POMGNT1: variants seen among roughly 807,000 people sequenced by gnomAD.
POMGNT1 encodes the protein protein O-linked mannose N-acetylglucosaminyltransferase 1 (beta 1,2-), also known as protein O-linked-mannose beta-1,2-N-acetylglucosaminyltransferase 1.
POMGNT1 carries 67 observed loss-of-function variants against 95.6 expected under a neutral mutation model. That is an observed-to-expected ratio of 0.70 (90% CI 0.58 to 0.86). The LOEUF (loss-of-function observed/expected upper bound fraction) is 0.86, where lower values mean the gene tolerates loss of function less well. Among genes scored for constraint, POMGNT1 ranks in the 40% least tolerant of loss-of-function variants. POMGNT1 has a pLI of 0.00. For missense variants in POMGNT1, 719 were observed against 855.2 expected, an observed-to-expected ratio of 0.84 and a Z score of 1.99; for synonymous variants, 298 against 317.9, an observed-to-expected ratio of 0.94 and a Z score of 0.66.
Position 46,192,967 on chromosome 1 carries a change from G to C in POMGNT1, c.1153-9C>G. 1 of 1,614,154 alleles carries C rather than the reference G, an allele frequency of 6.2e-7. No individual in the cohort carries two copies. The highest frequency in any genetic ancestry group is 8.5e-7 in the Non-Finnish European group (1 of 1,180,024). ...ACAGCAAACTTGGCCTCCTAGAAGGGGAATGGGACATCATGGTCCCAAAGG... is the reference window on the plus strand; with the variant it reads ...ACAGCAAACTTGGCCTCCTAGAAGGCGAATGGGACATCATGGTCCCAAAGG... On this transcript the variant is annotated splice_polypyrimidine_tract_variant and intron_variant, in intron 13 of 21. Transcript: ENST00000371984.
chr1:46,201,426 G>A (rs967523506), upstream of POMGNT1, among the ~76,000 whole-genome samples: 2 of 151,916 alleles, frequency 1.3e-5, no homozygotes, highest in East Asian at 1.9e-4. Context: ...CAGGCCGGGC[G>A]CAGTGGCTCA....
Position 46,219,865 on chromosome 1 carries a change from C to A in POMGNT1, c.-211G>T, listed in dbSNP as rs769390159. 1.9e-6 allele frequency: 3 copies of A among 1,613,866 alleles called. 1 individual carries two copies. Among genetic ancestry groups the A allele is most frequent in the South Asian group, 2.2e-5 (2 of 91,050 alleles). ...CTGACAGGCGGGAGCCCAGGCCGCT[C>A]AAGGCGAGGCAGCTGGGACAGCCTG... On this transcript the variant is annotated 5_prime_UTR_variant, in exon 1 of 23. Coordinates refer to the POMGNT1 transcript ENST00000371992.
chr1:46,195,920 T>G lies in POMGNT1; in HGVS notation c.425A>C (p.His142Pro). 6.2e-7 allele frequency: 1 copy of G among 1,614,114 alleles called. No individual in the cohort carries two copies. Among genetic ancestry groups the G allele is most frequent in the Non-Finnish European group, 8.5e-7 (1 of 1,179,990 alleles). ...GTCAAACACACGTTTTGCCATCACGTGGCCCTGGCAGGGGATATACTTCTG... is the reference window on the plus strand; with the variant it reads ...GTCAAACACACGTTTTGCCATCACGGGGCCCTGGCAGGGGATATACTTCTG... ...HVIVLNQATG[H>P]VMAKRVFDTY... The change falls in exon 6 of 22, where the codon CAC (histidine) becomes CCC (proline). Residue 142 changes from histidine to proline, a missense_variant. Coordinates refer to ENST00000371984, the MANE Select transcript of POMGNT1 (RefSeq NM_017739.4).
Position 46,196,625 on chromosome 1 carries a change from G to A in POMGNT1, c.354+106C>T. ...CGAGGACTCCAAAGTCACACAGCTA[G>A]AAACTGGCAGAGTTGCAGTTCCCAC... On this transcript the variant is annotated intron_variant, in intron 4 of 21. Transcript: ENST00000371984. This position sits in a 1 kb window ranked among gnomAD's most constrained non-coding sequence, Gnocchi z 4.4. 2 of 1,600,688 alleles carry A rather than the reference G, an allele frequency of 1.2e-6. No individual in the cohort carries two copies. Among genetic ancestry groups the A allele is most frequent in the Non-Finnish European group, 1.7e-6 (2 of 1,176,876 alleles).
intron 1 of POMGNT1, among the ~76,000 whole-genome samples, chr1:46,204,398 C>G (rs1306141058): frequency 6.6e-6 from 1 of 152,206 alleles, no homozygotes; most frequent in African/African-American, 2.4e-5. Context: ...GGCAGGTTCC[C>G]CAGGGCCCTG....
upstream of POMGNT1, among the ~76,000 whole-genome samples, chr1:46,201,336 ACT>A (rs1295764574): frequency 2.0e-5 from 3 of 151,758 alleles, no homozygotes; most frequent in Non-Finnish European, 4.4e-5. Flanking sequence ...ACATAGCGAG[ACT>A]CTATCTAAAT....
rs1226719758 is a variant in POMGNT1 at position 46,198,392 on chromosome 1, G to A, written c.-107C>T. 2.6e-5 allele frequency: 4 copies of A among 151,952 alleles called. No individual in the cohort carries two copies. The highest frequency in any genetic ancestry group is 9.7e-5 in the African/African-American group (4 of 41,302). The allele number at this position is 151,952 out of a possible 1,614,324, so 9.4% of individuals were successfully genotyped here. A position where few individuals can be genotyped will look rare whatever the true frequency, so the allele number is the denominator to read the frequency against. On this transcript the variant is annotated 5_prime_UTR_variant, in exon 1 of 22. Transcript: ENST00000371984. ...CGCTAGGGCCCTCACTGCTCGGCCC[G>A]GCTCGCCGCGGCCTCCGCCTCCTCC...
chr1:46,196,865 G>C lies in POMGNT1; in HGVS notation c.236-16C>G. On this transcript the variant is annotated splice_polypyrimidine_tract_variant and intron_variant, in intron 3 of 21. Transcript: ENST00000371984. This position sits in a 1 kb window ranked among gnomAD's most constrained non-coding sequence, Gnocchi z 4.4. ...AGGGCCTCATCTGTGGGGTACAACA[G>C]GTCATGGAGATAGTCTCCTCAGCAG... 3.1e-6 allele frequency: 5 copies of C among 1,614,202 alleles called. No individual in the cohort carries two copies. Among genetic ancestry groups the C allele is most frequent in the Non-Finnish European group, 4.2e-6 (5 of 1,180,046 alleles).
intron 17 of POMGNT1, chr1:46,191,884 T>C (rs1437748550): frequency 9.9e-6 from 6 of 608,238 alleles, no homozygotes; most frequent in Non-Finnish European, 1.7e-5. Context: ...TCCACCCGCA[T>C]CGGCCTCCCA....
At chr1:46,193,826 T>C (rs1056632368) in intron 10 of POMGNT1, 29 bp downstream of exon 10, 1 of 1,613,300 alleles carries the variant, frequency 6.2e-7, no homozygotes, top group South Asian at 1.1e-5. Context: ...TCCTGTTCAG[T>C]GCTGGGTATA....
At chr1:46,218,684 C>T (rs1659139307) in intron 1 of POMGNT1, among the ~76,000 whole-genome samples, 1 of 152,184 alleles carries the variant, frequency 6.6e-6, no homozygotes, top group Non-Finnish European at 1.5e-5. Context: ...GGGAAGGTAA[C>T]AGTGCATCTG....
chr1:46,206,717 C>A (rs1216283883), intron 1 of POMGNT1, among the ~76,000 whole-genome samples: 1 of 152,186 alleles, frequency 6.6e-6, no homozygotes, highest in Non-Finnish European at 1.5e-5. Context: ...TTCCCAGCAA[C>A]ACACTACAAC....
chr1:46,217,281 A>G (rs1178901925), intron 1 of POMGNT1, among the ~76,000 whole-genome samples: 1 of 152,202 alleles, frequency 6.6e-6, no homozygotes, highest in Non-Finnish European at 1.5e-5. Flanking sequence ...AGAACGTGTC[A>G]TGCATTCAAA....
Position 46,192,330 on chromosome 1 carries a change from G to A in POMGNT1, c.1391C>T (p.Pro464Leu). The change falls in exon 16 of 22, where the codon CCC becomes CTC. Residue 464 changes from proline (P) to leucine (L), a missense_variant. Transcript: ENST00000371984. ...TACCTTTTCCGGTGTAGGCCACTTG[G>A]GCTCAAGCTCCTCCTTGTACAAGGA... ...RRSLYKEELE[P>L]KWPTPEKLWD... 3 of 1,614,106 alleles carry A rather than the reference G, an allele frequency of 1.9e-6. No homozygotes were observed. Among genetic ancestry groups the A allele is most frequent in the Non-Finnish European group, 1.7e-6 (2 of 1,180,006 alleles).
chr1:46,206,982 G>C (rs1658736848), intron 1 of POMGNT1, among the ~76,000 whole-genome samples: 1 of 152,136 alleles, frequency 6.6e-6, no homozygotes, highest in Non-Finnish European at 1.5e-5. Flanking sequence ...GATGTGGTTG[G>C]GTTTGTGCTC....
chr1:46,193,316 G>C lies in POMGNT1; in HGVS notation c.1099C>G (p.Arg367Gly). ...TGCCTATGCAGTACCTGAGACACGCGGGCATTCTTGATGCTGATGGGAGTA... is the reference window on the plus strand; with the variant it reads ...TGCCTATGCAGTACCTGAGACACGCCGGCATTCTTGATGCTGATGGGAGTA... ...QHTPISIKNARVSQHYKASLT... is the reference protein window; with the variant it reads ...QHTPISIKNAGVSQHYKASLT... The change falls in exon 12 of 22, where the codon CGC becomes GGC. Residue 367 changes from arginine (R) to glycine (G), a missense_variant. Coordinates refer to ENST00000371984, the MANE Select transcript of POMGNT1 (RefSeq NM_017739.4). The C allele has an allele frequency of 6.2e-7, 1 of 1,613,670 alleles. No homozygotes were observed. Among genetic ancestry groups the C allele is most frequent in the Non-Finnish European group, 8.5e-7 (1 of 1,179,850 alleles).
intron 1 of POMGNT1, among the ~76,000 whole-genome samples, chr1:46,214,923 G>A (rs904146902): frequency 1.4e-5 from 2 of 142,072 alleles, no homozygotes; most frequent in Admixed American, 7.3e-5. Context: ...TCAGAAACTA[G>A]AGCAAGTATA....
chr1:46,189,236 CAGTA>C lies in POMGNT1; in HGVS notation c.*30_*33del, dbSNP rs1553162554. 1.2e-6 allele frequency: 2 copies of C among 1,600,426 alleles called. No homozygotes were observed. The highest frequency in any genetic ancestry group is 1.7e-5 in the Admixed American group (1 of 57,206). ...AAGGGCTAGCCAGCCTGGGGGTACA[CAGTA>C]CCCAGCCCCGCAGGGTCCTGGAGGA... On this transcript the variant is annotated 3_prime_UTR_variant, in exon 22 of 22. Coordinates refer to ENST00000371984, the MANE Select transcript of POMGNT1 (RefSeq NM_017739.4).
chr1:46,209,239 G>T (rs1046660773), intron 1 of POMGNT1, among the ~76,000 whole-genome samples: 13 of 152,124 alleles, frequency 8.5e-5, no homozygotes, highest in Admixed American at 2.0e-4. Context: ...GGTCAGGCTG[G>T]TCTCGAACTC....
Sources: gnomAD v4.1 joint callset for allele counts (sites outside exome capture counted in the v4.1 genomes callset) on GRCh38, gnomAD v4.1.1 for gene constraint, Gnocchi (gnomAD v3.1) non-coding constraint, MANE v1.5 for transcripts, NCBI Gene and HGNC (gene_info 2026-07-23, HGNC 2026-07-21) for gene names.